LONRF2: variants seen among roughly 807,000 people sequenced by gnomAD.
LONRF2 encodes LON peptidase N-terminal domain and ring finger 2, also known as LON peptidase N-terminal domain and RING finger protein 2.
Under a neutral mutation model 66.6 loss-of-function variants are expected in LONRF2, and 35 were observed. The ratio of observed to expected loss-of-function variants is 0.53; its 90% CI spans 0.40 to 0.70. The LOEUF is 0.70. Among genes scored for constraint, LONRF2 ranks in the 30% least tolerant of loss-of-function variants. LONRF2 has a pLI of 0.00. For synonymous variants in LONRF2, 417 were observed against 418.1 expected (o/e 1.00, Z 0.03); for missense variants, 902 against 1,002.1 (o/e 0.90, Z 1.35).
At chr2:100,304,730 T>G (rs1233638574) in intron 2 of LONRF2, among the ~76,000 whole-genome samples, 1 of 147,336 alleles carries the variant, frequency 6.8e-6, no homozygotes, top group Non-Finnish European at 1.5e-5. Context: ...TTCAAGTGAT[T>G]CTCCTGCCTC....
chr2:100,317,910 A>C (rs1559183808), intron 1 of LONRF2, among the ~76,000 whole-genome samples: 1 of 152,130 alleles, frequency 6.6e-6, no homozygotes, highest in Non-Finnish European at 1.5e-5. Context: ...ACTTGACTAT[A>C]ATGTACTTGG....
intron 7 of LONRF2, 122 bp from the exon 8 acceptor site, chr2:100,295,675 G>C (rs1471002089): frequency 1.0e-6 from 1 of 953,298 alleles, no homozygotes; most frequent in Non-Finnish European, 1.5e-6. Context: ...GAAGGAAAAG[G>C]GATGGAGAGA....
chr2:100,286,652 TAC>T (rs1380059797), intron 11 of LONRF2, among the ~76,000 whole-genome samples: 4 of 152,248 alleles, frequency 2.6e-5, no homozygotes, highest in Non-Finnish European at 5.9e-5. Flanking sequence ...AGCAAAAGGC[TAC>T]AAAAGCTGAC....
At position 100,295,448 on chromosome 2, in the gene LONRF2, T is replaced by G. The variant is rs1187736310; in HGVS notation, c.1582A>C (p.Met528Leu). ...AGCACTTACTTTGACAGTTCTGACA[T>G]TTCTTCATCATAAATTCTCTTCCTA... ...SDRKRIYDEE[M>L]SELSNLTRDV... is the part of the protein sequence containing the mutation. The change falls in exon 8 of 12, where the codon ATG (methionine) becomes CTG (leucine). Residue 528 changes from methionine (M) to leucine (L), a missense_variant. Coordinates refer to ENST00000393437, the MANE Select transcript of LONRF2 (RefSeq NM_198461.4). 1 of 1,613,872 alleles carries G rather than the reference T, an allele frequency of 6.2e-7. No homozygotes were observed. Among genetic ancestry groups the G allele is most frequent in the Admixed American group, 1.7e-5 (1 of 60,002 alleles).
intron 5 of LONRF2, among the ~76,000 whole-genome samples, 167 bp from the exon 6 acceptor site, chr2:100,299,486 G>A (rs554261733): frequency 7.4e-4 from 112 of 152,232 alleles, no homozygotes; most frequent in African/African-American, 2.4e-3. Flanking sequence ...TAATTTATCT[G>A]GATGGTAAGC....
At chr2:100,288,303 C>G (rs2105715602) in intron 10 of LONRF2, among the ~76,000 whole-genome samples, 1 of 152,336 alleles carries the variant, frequency 6.6e-6, no homozygotes, top group South Asian at 2.1e-4. Flanking sequence ...GAGACAGTGT[C>G]CTGGGTGTGA....
intron 1 of LONRF2, among the ~76,000 whole-genome samples, chr2:100,318,998 T>C (rs1392775111): frequency 6.6e-6 from 1 of 151,506 alleles, no homozygotes; most frequent in African/African-American, 2.4e-5. Flanking sequence ...GGCATGGTAG[T>C]GCGTGCCTGT....
chr2:100,314,154 C>G (rs553660606), intron 1 of LONRF2, among the ~76,000 whole-genome samples: 2 of 152,134 alleles, frequency 1.3e-5, no homozygotes, highest in South Asian at 2.1e-4. Context: ...AGAGGTTGTA[C>G]GAGTTTAGCT....
intron 1 of LONRF2, among the ~76,000 whole-genome samples, chr2:100,316,660 T>C (rs1048487361): frequency 6.6e-6 from 1 of 152,204 alleles, no homozygotes; most frequent in Non-Finnish European, 1.5e-5. Context: ...GGAGCCTAAA[T>C]GGCTATGTTT....
At chr2:100,317,646 T>C (rs991476689) in intron 1 of LONRF2, among the ~76,000 whole-genome samples, 5 of 152,210 alleles carry the variant, frequency 3.3e-5, no homozygotes, top group African/African-American at 1.2e-4. Context: ...GCAATTCTGA[T>C]GGTAATAAAA....
chr2:100,277,681 T>C lies in LONRF2; in HGVS notation c.*6617A>G, dbSNP rs921904817. 2.0e-5 allele frequency: 3 copies of C among 152,174 alleles called. No individual in the cohort carries two copies. Among genetic ancestry groups the C allele is most frequent in the Non-Finnish European group, 4.4e-5 (3 of 68,040 alleles). 9.4% of individuals were successfully genotyped at this position (152,174 alleles called of 1,614,324 possible). On this transcript the variant is annotated 3_prime_UTR_variant, in exon 12 of 12. Coordinates refer to ENST00000393437, the MANE Select transcript of LONRF2 (RefSeq NM_198461.4). ...CCATCTTTTAGCCAGCATGCCCTGATACGAAACGGAACCCAAAAAACAACG... is the reference window on the plus strand; with the variant it reads ...CCATCTTTTAGCCAGCATGCCCTGACACGAAACGGAACCCAAAAAACAACG...
At chr2:100,306,704 C>G (rs1431659986) in intron 2 of LONRF2, among the ~76,000 whole-genome samples, 1 of 152,096 alleles carries the variant, frequency 6.6e-6, no homozygotes, top group Non-Finnish European at 1.5e-5. Flanking sequence ...CCCCCAGAAT[C>G]TAGAAGTGCT....
chr2:100,291,540 C>T (rs1421746829), intron 9 of LONRF2, among the ~76,000 whole-genome samples: 1 of 152,062 alleles, frequency 6.6e-6, no homozygotes, highest in Non-Finnish European at 1.5e-5. Context: ...CTCCTTGCCT[C>T]CCCCTCACTC....
At position 100,294,229 on chromosome 2, in the gene LONRF2, C is replaced by T; in HGVS notation, c.1757G>A (p.Gly586Glu). The T allele has an allele frequency of 6.2e-7, 1 of 1,601,612 alleles. No individual in the cohort carries two copies. The highest frequency in any genetic ancestry group is 1.1e-5 in the South Asian group (1 of 88,704). Residue 586 changes from glycine to glutamate, a missense_variant and splice_region_variant, in exon 9 of 12, where the codon GGG becomes GAG. This residue lies in a region of LONRF2 where 317 missense variants were observed against 432.2 expected (regional missense o/e 0.73). Transcript: ENST00000393437. ...FGMCLSAEHA[G>E]LSEYGCMLEI... Reference sequence around the variant, plus strand: ...TGAACCAAATGCTAACAGTTCTTACCCCGCGTGCTCAGCAGATAAACACAT... The same window carrying T: ...TGAACCAAATGCTAACAGTTCTTACTCCGCGTGCTCAGCAGATAAACACAT...
intron 11 of LONRF2, among the ~76,000 whole-genome samples, chr2:100,284,832 T>C (rs1000422393): frequency 2.6e-5 from 4 of 152,222 alleles, no homozygotes; most frequent in Admixed American, 2.6e-4. Context: ...TTTCCAATGT[T>C]CTGTGCTATT....
Position 100,321,703 on chromosome 2 carries a change from C to A in LONRF2, c.391G>T (p.Ala131Ser). 1 of 1,196,994 alleles carries A rather than the reference C, an allele frequency of 8.4e-7. No individual in the cohort carries two copies. 74.1% of individuals were successfully genotyped at this position (1,196,994 alleles called of 1,614,324 possible). Residue 131 changes from alanine (A) to serine (S), a missense_variant, in exon 1 of 12, where the codon GCC becomes TCC. Physicochemically the swap from Ala to Ser is moderately conservative, Grantham distance 99. Around this residue, in one of 2 missense-constraint regions of LONRF2, gnomAD observed 585 missense variants for 569.9 expected, o/e 1.03. Coordinates refer to ENST00000393437, the MANE Select transcript of LONRF2 (RefSeq NM_198461.4). The part of the protein sequence containing the change: ...EPEAPGEGGP[A>S]PEPRAPRDLL... ...TCGCGGGGCGCGCGGGGCTCCGGGG[C>A]CGGCCCTCCCTCGCCGGGCGCCTCG...
chr2:100,281,353 C>T lies in LONRF2; in HGVS notation c.*2945G>A, dbSNP rs1458488762. The T allele has an allele frequency of 6.6e-6, 1 of 151,932 alleles. No individual in the cohort carries two copies. The highest frequency in any genetic ancestry group is 2.4e-5 in the African/African-American group (1 of 41,332). 9.4% of individuals were successfully genotyped at this position (151,932 alleles called of 1,614,324 possible). A position where few individuals can be genotyped will look rare whatever the true frequency, so the allele number is the denominator to read the frequency against. ...GTGCAAAAAGGACACATTTGTGACC[C>T]TAAAAATGAGATAATACTGTTGAAT... On this transcript the variant is annotated 3_prime_UTR_variant, in exon 12 of 12. Transcript: ENST00000393437.
Position 100,284,070 on chromosome 2 carries a change from T to C in LONRF2, c.*228A>G, listed in dbSNP as rs1192264431. The C allele has an allele frequency of 1.9e-4, 82 of 429,912 alleles. No homozygotes were observed. The East Asian group carries it at 3.2e-3, about 17-fold the overall frequency. The allele number at this position is 429,912 out of a possible 1,614,324, so 26.6% of individuals were successfully genotyped here. On this transcript the variant is annotated 3_prime_UTR_variant, in exon 12 of 12. Coordinates refer to ENST00000393437, the MANE Select transcript of LONRF2 (RefSeq NM_198461.4). ...GCTTCTAAGAGATTTTCTTAGGTTG[T>C]TTTCCAACTATGGGCTCCATTCAGA...
rs537956488 is a variant in LONRF2 at position 100,322,247 on chromosome 2, G to A, written c.-154C>T. On this transcript the variant is annotated 5_prime_UTR_variant, in exon 1 of 12. Coordinates refer to ENST00000393437, the MANE Select transcript of LONRF2 (RefSeq NM_198461.4). ...GCGCGCTGCGAGCGGCTGAGACCGC[G>A]GGCGGGGGCGGGCGCCTGGCTTGGG... 5.4e-4 allele frequency: 370 copies of A among 683,142 alleles called. 1 individual carries two copies. The African/African-American group carries it at 6.2e-3, about 11-fold the overall frequency. The allele number at this position is 683,142 out of a possible 1,614,324, so 42.3% of individuals were successfully genotyped here. A position where few individuals can be genotyped will look rare whatever the true frequency, so the allele number is the denominator to read the frequency against.
Sources: allele counts gnomAD v4.1 joint callset (sites outside exome capture counted in the v4.1 genomes callset), GRCh38; gene constraint gnomAD v4.1.1; regional missense constraint gnomAD v4.1.1; transcripts MANE v1.5; gene names NCBI Gene and HGNC (gene_info 2026-07-23, HGNC 2026-07-21).